LRRIQ1: variants seen among roughly 807,000 people sequenced by gnomAD.
LRRIQ1 encodes the protein leucine rich repeats and IQ motif containing 1, also known as leucine-rich repeat- and IQ domain-containing protein 1.
Under a neutral mutation model 211.9 loss-of-function variants are expected in LRRIQ1, and 210 were observed. That is an observed-to-expected ratio of 0.99 (90% CI 0.89 to 1.11). The LOEUF (loss-of-function observed/expected upper bound fraction) is 1.11, where lower values mean the gene tolerates loss of function less well. Ranked by LOEUF, LRRIQ1 falls within the 50% of genes most tolerant of loss-of-function variation. LRRIQ1 has a pLI of 0.00. For missense variants in LRRIQ1, 2,136 were observed against 1,939.5 expected, an observed-to-expected ratio of 1.10 and a Z score of -1.90; for synonymous variants, 699 against 650.1, an observed-to-expected ratio of 1.08 and a Z score of -1.14.
At chr12:85,252,115 T>C (rs575120822) in intron 1 of LRRIQ1, among the ~76,000 whole-genome samples, 19 of 152,032 alleles carry the variant, frequency 1.2e-4, no homozygotes, top group African/African-American at 4.1e-4. Flanking sequence ...TGTGAGATAT[T>C]ACAGCTATTT....
chr12:85,126,520 A>G (rs916230019), intron 17 of LRRIQ1, among the ~76,000 whole-genome samples: 1 of 152,200 alleles, frequency 6.6e-6, no homozygotes, highest in Non-Finnish European at 1.5e-5. Flanking sequence ...GAATGAATAA[A>G]TGTGAATTAT....
chr12:85,048,061 T>C (rs1879851809), intron 6 of LRRIQ1: 1 of 152,340 alleles, frequency 6.6e-6, no homozygotes, highest in Non-Finnish European at 1.5e-5. Flanking sequence ...TGGTGGATTT[T>C]AGGACACCAC....
chr12:85,164,348 GACC>G (rs1891046567), intron 24 of LRRIQ1, among the ~76,000 whole-genome samples: 1 of 152,096 alleles, frequency 6.6e-6, no homozygotes, highest in African/African-American at 2.4e-5. Flanking sequence ...TTAGCTCTGT[GACC>G]TTTGGGAAGT....
intron 11 of LRRIQ1, among the ~76,000 whole-genome samples, chr12:85,081,929 G>A (rs1261508904): frequency 2.6e-5 from 4 of 151,680 alleles, no homozygotes; most frequent in Admixed American, 2.6e-4. Context: ...CACCATGTTG[G>A]CCAGGCTGGT....
At chr12:85,229,881 A>C (rs1894850159) in intron 25 of LRRIQ1, among the ~76,000 whole-genome samples, 1 of 152,222 alleles carries the variant, frequency 6.6e-6, no homozygotes, top group South Asian at 2.1e-4. Context: ...CCAACAGATG[A>C]GCCACAAAAA....
chr12:85,172,293 G>T (rs149195863), intron 24 of LRRIQ1, among the ~76,000 whole-genome samples: 1 of 152,236 alleles, frequency 6.6e-6, no homozygotes, highest in East Asian at 1.9e-4. Context: ...TTCTGGAATA[G>T]CTAGAAATTA....
intron 26 of LRRIQ1, among the ~76,000 whole-genome samples, chr12:85,234,831 G>A (rs1895102184): frequency 6.6e-6 from 1 of 152,168 alleles, no homozygotes; most frequent in South Asian, 2.1e-4. Flanking sequence ...AGATGGGTAT[G>A]CAAGCAAACC....
intron 10 of LRRIQ1, among the ~76,000 whole-genome samples, chr12:85,067,839 C>T (rs1219879685): frequency 2.0e-5 from 3 of 151,848 alleles, no homozygotes; most frequent in Non-Finnish European, 4.4e-5. Flanking sequence ...AAAACCTTTC[C>T]TCTTACCTCA....
intron 18 of LRRIQ1, among the ~76,000 whole-genome samples, chr12:85,128,780 A>T (rs561931307): frequency 6.6e-6 from 1 of 152,242 alleles, no homozygotes; most frequent in Non-Finnish European, 1.5e-5. Flanking sequence ...CAAATAATTA[A>T]TAGACTTGAC....
downstream of LRRIQ1, among the ~76,000 whole-genome samples, chr12:85,269,410 A>C (rs1896488042): frequency 6.6e-6 from 1 of 152,024 alleles, no homozygotes; most frequent in East Asian, 1.9e-4. Context: ...AAGCGATAAC[A>C]ATCAAGTTAC....
chr12:85,066,629 A>G, intron 9 of LRRIQ1, 119 bp from the exon 10 acceptor site: 1 of 642,136 alleles, frequency 1.6e-6, no homozygotes, highest in Admixed American at 3.9e-5. Context: ...TTAGAAGTTA[A>G]AGATTCAGAT....
chr12:85,141,175 A>G (rs1416322010), intron 19 of LRRIQ1, among the ~76,000 whole-genome samples: 3 of 151,394 alleles, frequency 2.0e-5, no homozygotes, highest in Non-Finnish European at 3.0e-5. Flanking sequence ...TTGTCTCAGC[A>G]TATACTATAT....
chr12:85,195,372 A>C (rs1242610045), intron 24 of LRRIQ1, among the ~76,000 whole-genome samples: 2 of 152,030 alleles, frequency 1.3e-5, no homozygotes, highest in African/African-American at 2.4e-5. Flanking sequence ...CACAACAAAA[A>C]AAAGAGAATT....
chr12:85,102,954 A>AT (rs1565834088), intron 13 of LRRIQ1, among the ~76,000 whole-genome samples: 344 of 120,760 alleles, frequency 2.8e-3, no homozygotes, highest in African/African-American at 0.01. Flanking sequence ...CAAAAAAAAA[A>AT]AAAAAATATA....
chr12:85,067,677 A>G (rs955049168), intron 10 of LRRIQ1, among the ~76,000 whole-genome samples: 1 of 151,776 alleles, frequency 6.6e-6, no homozygotes, highest in Admixed American at 6.6e-5. Context: ...ACTACAGTCA[A>G]CCAGTCCTAT....
chr12:85,041,076 T>C (rs944149854), intron 3 of LRRIQ1, among the ~76,000 whole-genome samples: 2 of 151,688 alleles, frequency 1.3e-5, no homozygotes, highest in African/African-American at 2.4e-5. Flanking sequence ...TAATGAGAAA[T>C]GGCAGCATTC....
intron 26 of LRRIQ1, among the ~76,000 whole-genome samples, chr12:85,244,012 C>T (rs1481692079): frequency 6.6e-6 from 1 of 151,628 alleles, no homozygotes; most frequent in African/African-American, 2.4e-5. Context: ...CCCAGCTACT[C>T]TGAGGCTGCT....
chr12:85,095,004 C>T (rs1885745587), intron 11 of LRRIQ1, among the ~76,000 whole-genome samples: 1 of 152,064 alleles, frequency 6.6e-6, no homozygotes, highest in African/African-American at 2.4e-5. Flanking sequence ...TTTATCAAAT[C>T]GAGGAGCCTC....
intron 19 of LRRIQ1, among the ~76,000 whole-genome samples, chr12:85,146,979 A>G (rs1889934104): frequency 6.6e-6 from 1 of 151,806 alleles, no homozygotes; most frequent in Non-Finnish European, 1.5e-5. Flanking sequence ...GACTGCAAGA[A>G]TATGATATTT....
Sources: gnomAD v4.1 joint callset for allele counts (sites outside exome capture counted in the v4.1 genomes callset) on GRCh38, gnomAD v4.1.1 for gene constraint, MANE v1.5 for transcripts, NCBI Gene and HGNC (gene_info 2026-07-23, HGNC 2026-07-21) for gene names.